Variants in NOP58 observed in about 807,000 individuals in gnomAD.
The protein encoded by NOP58 is nucleolar protein 58.
NOP58 carries 44 observed loss-of-function variants against 71.2 expected under a neutral mutation model. The observed-to-expected ratio is 0.62, with a 90% CI of 0.49 to 0.79. The LOEUF is 0.79. Ranked by LOEUF, NOP58 falls within the 30% of genes least tolerant of loss-of-function variation. The probability of loss-of-function intolerance (pLI) is 0.00; values close to 1 mark genes in which losing one functional copy is unlikely to be tolerated. For synonymous variants in NOP58, 228 were observed against 200.3 expected, an observed-to-expected ratio of 1.14 and a Z score of -1.17; for missense variants, 538 against 620.2, an observed-to-expected ratio of 0.87 and a Z score of 1.41.
At chr2:202,272,925 G>C (rs1688532781) in intron 1 of NOP58, among the ~76,000 whole-genome samples, 1 of 152,094 alleles carries the variant, frequency 6.6e-6, no homozygotes, top group Admixed American at 6.6e-5. Flanking sequence ...ATGAGGTCAG[G>C]AGATCGAGAC....
chr2:202,271,908 C>T (rs1428845629), intron 1 of NOP58, among the ~76,000 whole-genome samples: 1 of 152,140 alleles, frequency 6.6e-6, no homozygotes, highest in Admixed American at 6.6e-5. Context: ...CACACCACTC[C>T]ACTCCAGCCT....
At chr2:202,269,244 T>C (rs561657929) in intron 1 of NOP58, among the ~76,000 whole-genome samples, 104 of 151,430 alleles carry the variant, frequency 6.9e-4, no homozygotes, top group African/African-American at 2.1e-3. Context: ...TGATCTCGGC[T>C]CACTGCAACC....
intron 2 of NOP58, among the ~76,000 whole-genome samples, chr2:202,277,162 C>T (rs1370398987): frequency 1.3e-5 from 2 of 152,154 alleles, no homozygotes; most frequent in African/African-American, 4.8e-5. Context: ...TGGCGGGTGC[C>T]TGTAGTCCCA....
intron 9 of NOP58, among the ~76,000 whole-genome samples, chr2:202,294,336 C>CAAA (rs1231907557): frequency 8.4e-5 from 6 of 71,402 alleles, no homozygotes; most frequent in South Asian, 4.9e-4. Flanking sequence ...AACTCCATCT[C>CAAA]AAAAAAAAAA....
At chr2:202,295,004 T>C (rs1036382404) in intron 9 of NOP58, among the ~76,000 whole-genome samples, 1 of 151,696 alleles carries the variant, frequency 6.6e-6, no homozygotes, top group East Asian at 1.9e-4. Flanking sequence ...TTTTTGTGCA[T>C]TGGTTACTTG....
At position 202,265,882 on chromosome 2, in the gene NOP58, G is replaced by A; in HGVS notation, c.-60G>A. On this transcript the variant is annotated 5_prime_UTR_variant, in exon 1 of 15. Transcript: ENST00000264279. Reference sequence around the variant, plus strand: ...GGCCTTTTGAGGCCGCGTAGTCGGTGTTTTTGAACTGACTCTACAGCTTCT... The same window carrying A: ...GGCCTTTTGAGGCCGCGTAGTCGGTATTTTTGAACTGACTCTACAGCTTCT... 1 of 1,608,400 alleles carries A rather than the reference G, an allele frequency of 6.2e-7. No homozygotes were observed. The highest frequency in any genetic ancestry group is 8.5e-7 in the Non-Finnish European group (1 of 1,175,636).
chr2:202,299,752 T>C (rs1689058734), intron 12 of NOP58: 1 of 152,334 alleles, frequency 6.6e-6, no homozygotes, highest in African/African-American at 2.4e-5. Context: ...ATGGAATCTT[T>C]TCCATGTGCA....
Position 202,303,368 on chromosome 2 carries a change from C to T in NOP58, c.1540-18C>T, listed in dbSNP as rs528248428. ...ACAATTTCAGCTCTTTCAAAGCATT[C>T]TTGTTGGCTATTTTCAGAGTCCAGA... On this transcript the variant is annotated intron_variant, in intron 14 of 14. Coordinates refer to ENST00000264279, the MANE Select transcript of NOP58 (RefSeq NM_015934.5). The T allele has an allele frequency of 1.6e-5, 26 of 1,611,034 alleles. 2 individuals carry two copies. Among genetic ancestry groups the T allele is most frequent in the African/African-American group, 6.7e-5 (5 of 74,786 alleles).
chr2:202,298,440 C>G (rs189780835), intron 12 of NOP58, among the ~76,000 whole-genome samples: 3 of 152,264 alleles, frequency 2.0e-5, no homozygotes, highest in Admixed American at 6.5e-5. Flanking sequence ...CACCTGAGGT[C>G]AGGAGTTCAA....
At chr2:202,278,583 G>A (rs1403572323) in intron 3 of NOP58, among the ~76,000 whole-genome samples, 2 of 152,086 alleles carry the variant, frequency 1.3e-5, no homozygotes, top group African/African-American at 4.8e-5. Context: ...CAGAGTGATC[G>A]GGTTTATTTA....
chr2:202,293,501 A>AT (rs1472962028), intron 9 of NOP58, among the ~76,000 whole-genome samples: 1 of 152,254 alleles, frequency 6.6e-6, no homozygotes, highest in East Asian at 1.9e-4. Flanking sequence ...CTGATTCATC[A>AT]TTTTTATGTT....
Position 202,303,504 on chromosome 2 carries a change from G to T in NOP58, c.*68G>T. ...TTAAGATTCAACTGGGAGCATACCA[G>T]GGATGCTCTCTAACGTAATCAAGGG... On this transcript the variant is annotated 3_prime_UTR_variant, in exon 15 of 15. Coordinates refer to ENST00000264279, the MANE Select transcript of NOP58 (RefSeq NM_015934.5). The T allele has an allele frequency of 6.4e-7, 1 of 1,552,652 alleles. No homozygotes were observed.
intron 1 of NOP58, among the ~76,000 whole-genome samples, chr2:202,273,393 TTTTA>T (rs1325481718): frequency 1.3e-5 from 2 of 152,172 alleles, no homozygotes; most frequent in South Asian, 2.1e-4. Flanking sequence ...GTCTCAAAGT[TTTTA>T]TTTGTCTCAA....
chr2:202,293,080 C>T, intron 9 of NOP58, 177 bp downstream of exon 9: 1 of 793,068 alleles, frequency 1.3e-6, no homozygotes, highest in South Asian at 1.3e-5. Context: ...ATTTGTTTGC[C>T]TGATTTCCTT....
rs1689014170 is a variant in NOP58, at chr2:202,297,500, T to G, written c.1193T>G (p.Leu398Trp). Residue 398 changes from leucine to tryptophan, a missense_variant, in exon 11 of 15, where the codon TTG becomes TGG. By Grantham distance (61) the Leu-to-Trp change is moderately conservative. Transcript: ENST00000264279. ...RAKLEARLRT[L>W]EDRGIRKISG... Reference sequence around the variant, plus strand: ...AAATTAGAGGCCAGGTTGAGAACTTTGGAAGACAGAGGGGTAAGAACTACA... The same window carrying G: ...AAATTAGAGGCCAGGTTGAGAACTTGGGAAGACAGAGGGGTAAGAACTACA... The G allele has an allele frequency of 1.2e-6, 2 of 1,613,938 alleles. No homozygotes were observed. Among genetic ancestry groups the G allele is most frequent in the Non-Finnish European group, 1.7e-6 (2 of 1,179,866 alleles).
At chr2:202,290,796 G>A (rs1386505761) in intron 7 of NOP58, among the ~76,000 whole-genome samples, 1 of 152,138 alleles carries the variant, frequency 6.6e-6, no homozygotes, top group Non-Finnish European at 1.5e-5. Flanking sequence ...ACTGGCCCCA[G>A]CTTCAGTATA....
At chr2:202,297,303 C>A in intron 10 of NOP58, 76 bp from the exon 11 acceptor site, 1 of 1,344,198 alleles carries the variant, frequency 7.4e-7, no homozygotes, top group Non-Finnish European at 1.0e-6. Context: ...TTTATAACTC[C>A]TGATTTTAAA....
At chr2:202,266,988 T>C (rs1688427963) in intron 1 of NOP58, among the ~76,000 whole-genome samples, 1 of 152,084 alleles carries the variant, frequency 6.6e-6, no homozygotes, top group South Asian at 2.1e-4. Context: ...GGGGAAAACA[T>C]CTGGGCTGGT....
In NOP58 at chr2:202,275,154, G is replaced by GT; in HGVS notation, c.87_88insT (p.Lys30Ter). On this transcript the variant is annotated frameshift_variant, in exon 2 of 15. Coordinates refer to ENST00000264279, the MANE Select transcript of NOP58 (RefSeq NM_015934.5). LOFTEE classifies it high-confidence loss of function. ...AACTTCAAGAGGTTGATAGTTTATG[G>GT]AAAGAATTTGAAACTCCAGAGAAAG... is the stretch of plus-strand genomic sequence containing the variant. 1 of 1,569,934 alleles carries GT rather than the reference G, an allele frequency of 6.4e-7. No individual in the cohort carries two copies. Among genetic ancestry groups the GT allele is most frequent in the Non-Finnish European group, 8.7e-7 (1 of 1,150,046 alleles).
Sources: allele counts gnomAD v4.1 joint callset (sites outside exome capture counted in the v4.1 genomes callset), GRCh38; gene constraint gnomAD v4.1.1; transcripts MANE v1.5; gene names NCBI Gene and HGNC (gene_info 2026-07-23, HGNC 2026-07-21).